The following RXFP1 variants were observed in gnomAD, a reference collection of about 807,000 sequenced individuals.
The protein encoded by RXFP1 is relaxin receptor 1.
In RXFP1, 73 loss-of-function variants were observed where a neutral mutation model predicts 89.8. The observed-to-expected ratio is 0.81, with a 90% CI of 0.67 to 0.99. The LOEUF is 0.99. Ranked by LOEUF, RXFP1 falls within the 50% of genes least tolerant of loss-of-function variation. The pLI is 0.00. For synonymous variants in RXFP1, 277 were observed against 305.5 expected, an observed-to-expected ratio of 0.91 and a Z score of 0.97; for missense variants, 793 against 895.5, an observed-to-expected ratio of 0.89 and a Z score of 1.46.
At chr4:158,639,126 T>A in intron 13 of RXFP1, 134 bp from the exon 14 acceptor site, 1 of 548,808 alleles carries the variant, frequency 1.8e-6, no homozygotes, top group Non-Finnish European at 3.3e-6. Context: ...AGTGGGTGGG[T>A]TGAGTATAAT....
intron 3 of RXFP1, among the ~76,000 whole-genome samples, chr4:158,595,735 T>C (rs1462542011): frequency 6.6e-6 from 1 of 152,206 alleles, no homozygotes; most frequent in Non-Finnish European, 1.5e-5. Context: ...CAAATACCAC[T>C]AACAATCTCC....
Position 158,648,722 on chromosome 4 carries a change from A to C in RXFP1, c.1975+5A>C. 2.0e-6 allele frequency: 3 copies of C among 1,469,052 alleles called. No homozygotes were observed. Among genetic ancestry groups the C allele is most frequent in the Non-Finnish European group, 1.9e-6 (2 of 1,064,090 alleles). The allele number at this position is 1,469,052 out of a possible 1,614,324, so 91.0% of individuals were successfully genotyped here. A position where few individuals can be genotyped will look rare whatever the true frequency, so the allele number is the denominator to read the frequency against. Reference sequence around the variant, plus strand: ...TGCTTCAGGTAGAAATACCAGGTACAATATTTTTTAATCTCCTTAAAGAAA... The same window carrying C: ...TGCTTCAGGTAGAAATACCAGGTACCATATTTTTTAATCTCCTTAAAGAAA... On this transcript the variant is annotated splice_donor_5th_base_variant and intron_variant, in intron 17 of 17. Coordinates refer to ENST00000307765, the MANE Select transcript of RXFP1 (RefSeq NM_021634.4).
chr4:158,589,736 A>C (rs1305239673), intron 2 of RXFP1, among the ~76,000 whole-genome samples: 1 of 152,142 alleles, frequency 6.6e-6, no homozygotes, highest in Non-Finnish European at 1.5e-5. Context: ...TGTCTTGCCA[A>C]TCAGTGTTCT....
intron 1 of RXFP1, among the ~76,000 whole-genome samples, chr4:158,568,244 T>C (rs1754170541): frequency 1.3e-5 from 2 of 152,220 alleles, no homozygotes; most frequent in Non-Finnish European, 2.9e-5. Flanking sequence ...TGCGGCTTCA[T>C]TGTTGAAGTC....
Position 158,651,902 on chromosome 4 carries a change from CA to C in RXFP1, c.2124del (p.Gly709ValfsTer24). The C allele has an allele frequency of 1.2e-6, 2 of 1,614,072 alleles. No individual in the cohort carries two copies. Among genetic ancestry groups the C allele is most frequent in the Non-Finnish European group, 1.7e-6 (2 of 1,179,994 alleles). On this transcript the variant is annotated frameshift_variant, in exon 18 of 18. Coordinates refer to ENST00000307765, the MANE Select transcript of RXFP1 (RefSeq NM_021634.4). LOFTEE classifies it high-confidence loss of function. ...ACAGACAAAGAAAATCTATGGACAG[CA>C]AAGGTCAGAAAACATATGCTCCATC... ...NYRQRKSMDS[K>X]GQKTYAPSFI... is the part of the protein sequence containing the mutation.
intron 3 of RXFP1, among the ~76,000 whole-genome samples, chr4:158,595,958 G>C (rs1257690015): frequency 2.0e-5 from 3 of 150,356 alleles, no homozygotes; most frequent in Non-Finnish European, 2.9e-5. Flanking sequence ...AGACCAGCCT[G>C]GGCAACATAG....
chr4:158,643,391 G>A (rs1031429184), intron 14 of RXFP1, among the ~76,000 whole-genome samples: 2 of 151,754 alleles, frequency 1.3e-5, no homozygotes, highest in Non-Finnish European at 2.9e-5. Flanking sequence ...TAAACATGGG[G>A]GTGCAGATAT....
At position 158,620,780 on chromosome 4, in the gene RXFP1, G is replaced by A. The variant is rs182362207; in HGVS notation, c.755+3575G>A. On this transcript the variant is annotated intron_variant, in intron 9 of 17. Coordinates refer to ENST00000307765, the MANE Select transcript of RXFP1 (RefSeq NM_021634.4). ...CAAAATACATAAAGTGAAAACAATAGAACTGTAAAGAGAAATAGCTAAAAG... is the reference window on the plus strand; with the variant it reads ...CAAAATACATAAAGTGAAAACAATAAAACTGTAAAGAGAAATAGCTAAAAG... Among the ~76,000 whole-genome samples, 6 of 152,208 alleles carry A rather than the reference G, an allele frequency of 3.9e-5. No homozygotes were observed. In the East Asian group the frequency reaches 1.2e-3, roughly 29 times the overall value.
intron 1 of RXFP1, among the ~76,000 whole-genome samples, chr4:158,554,365 C>T (rs2149904194): frequency 6.6e-6 from 1 of 152,228 alleles, no homozygotes; most frequent in Non-Finnish European, 1.5e-5. Context: ...AAAATCCCCA[C>T]TTTCTTCTGC....
At chr4:158,540,463 G>T (rs1014574026) in intron 1 of RXFP1, among the ~76,000 whole-genome samples, 1 of 151,886 alleles carries the variant, frequency 6.6e-6, no homozygotes, top group East Asian at 1.9e-4. Flanking sequence ...AGAAGCCAGA[G>T]GTCACTCTTG....
intron 11 of RXFP1, among the ~76,000 whole-genome samples, chr4:158,629,119 C>T (rs187012566): frequency 6.6e-6 from 1 of 151,808 alleles, no homozygotes; most frequent in East Asian, 1.9e-4. Flanking sequence ...GGCATGACCT[C>T]GGCTCACTGC....
intron 9 of RXFP1, among the ~76,000 whole-genome samples, chr4:158,620,242 T>A (rs554153724): frequency 6.6e-6 from 1 of 152,186 alleles, no homozygotes; most frequent in East Asian, 1.9e-4. Context: ...CTTGAAGATA[T>A]GTCATAGAAA....
chr4:158,521,954 A>G lies in RXFP1; in HGVS notation c.-23A>G. On this transcript the variant is annotated 5_prime_UTR_variant, in exon 1 of 18. Coordinates refer to ENST00000307765, the MANE Select transcript of RXFP1 (RefSeq NM_021634.4). Reference sequence around the variant, plus strand: ...GACCAAATTTTGCTCACTTTCATTAATCAGTTGCTCAGATAGAAGGAAATG... The same window carrying G: ...GACCAAATTTTGCTCACTTTCATTAGTCAGTTGCTCAGATAGAAGGAAATG... 6.3e-7 allele frequency: 1 copy of G among 1,599,134 alleles called. No homozygotes were observed. The highest frequency in any genetic ancestry group is 8.6e-7 in the Non-Finnish European group (1 of 1,169,436).
chr4:158,544,015 T>C, intron 1 of RXFP1: 1 of 985,460 alleles, frequency 1.0e-6, no homozygotes, highest in Non-Finnish European at 1.2e-6. Context: ...GGCATTTAAA[T>C]ATAAAGATTC....
chr4:158,626,928 T>G, intron 10 of RXFP1, 37 bp downstream of exon 10: 1 of 1,112,870 alleles, frequency 9.0e-7, no homozygotes, highest in Non-Finnish European at 1.3e-6. Flanking sequence ...TAATATTATC[T>G]TTTCTTACAA....
chr4:158,556,954 G>A (rs1159195079), intron 1 of RXFP1, among the ~76,000 whole-genome samples: 1 of 152,122 alleles, frequency 6.6e-6, no homozygotes, highest in Non-Finnish European at 1.5e-5. Flanking sequence ...GGAGAAGTTG[G>A]TCAAAGGATA....
Position 158,647,000 on chromosome 4 carries a change from A to G in RXFP1, c.1555A>G (p.Arg519Gly). 6.2e-7 allele frequency: 1 copy of G among 1,614,106 alleles called. No individual in the cohort carries two copies. The highest frequency in any genetic ancestry group is 8.5e-7 in the Non-Finnish European group (1 of 1,179,980). The change falls in exon 16 of 18, where the codon AGA becomes GGA. Residue 519 changes from arginine to glycine, a missense_variant. Arg to Gly is a moderately radical substitution (Grantham distance 125, BLOSUM62 -2). Coordinates refer to ENST00000307765, the MANE Select transcript of RXFP1 (RefSeq NM_021634.4). Reference protein sequence around the residue: ...EKYICIVYPFRCVRPGKCRTI... With the variant: ...EKYICIVYPFGCVRPGKCRTI... ...ATACATCTGCATTGTCTATCCTTTT[A>G]GATGTGTGAGACCTGGAAAATGCAG... is the stretch of plus-strand genomic sequence containing the variant.
chr4:158,541,525 AT>A (rs1465595169), intron 1 of RXFP1, among the ~76,000 whole-genome samples: 1 of 152,182 alleles, frequency 6.6e-6, no homozygotes, highest in Non-Finnish European at 1.5e-5. Context: ...AAATATAAAA[AT>A]ATTTCCTAAA....
At chr4:158,613,746 T>A (rs1457293715) in intron 8 of RXFP1, among the ~76,000 whole-genome samples, 2 of 152,364 alleles carry the variant, frequency 1.3e-5, no homozygotes, top group East Asian at 3.9e-4. Flanking sequence ...CTCCTGTTAA[T>A]GTGAATATTT....
Sources: gnomAD v4.1 joint callset for allele counts (sites outside exome capture counted in the v4.1 genomes callset) on GRCh38, gnomAD v4.1.1 for gene constraint, MANE v1.5 for transcripts, NCBI Gene and HGNC (gene_info 2026-07-23, HGNC 2026-07-21) for gene names.